Variants in PEBP4 observed in about 807,000 individuals in gnomAD.
PEBP4 encodes phosphatidylethanolamine-binding protein 4.
A neutral mutation model predicts 23.9 loss-of-function variants in PEBP4; 22 were observed. The ratio of observed to expected loss-of-function variants is 0.92; its 90% CI spans 0.66 to 1.31. The LOEUF (loss-of-function observed/expected upper bound fraction) is 1.31. PEBP4 is among the 40% of genes most tolerant of loss of function. PEBP4 has a pLI of 0.00. For missense variants in PEBP4, 324 were observed against 281.7 expected (o/e 1.15, Z -1.07); for synonymous variants, 112 against 99.3 (o/e 1.13, Z -0.76).
chr8:22,936,953 T>A (rs1360120603), intron 1 of PEBP4, among the ~76,000 whole-genome samples: 2 of 152,158 alleles, frequency 1.3e-5, no homozygotes, highest in Non-Finnish European at 2.9e-5. Context: ...TTCCTCGATA[T>A]GATAAAGGCC....
chr8:22,821,980 G>A (rs1260475918), intron 3 of PEBP4, among the ~76,000 whole-genome samples: 7 of 51,440 alleles, frequency 1.4e-4, no homozygotes, highest in African/African-American at 2.4e-4. Context: ...GCAAGACCTC[G>A]TCTCAAAAAA....
intron 3 of PEBP4, among the ~76,000 whole-genome samples, chr8:22,822,677 A>G (rs1311302391): frequency 4.6e-5 from 7 of 152,128 alleles, no homozygotes; most frequent in African/African-American, 1.2e-4. Context: ...TAATAGTCCT[A>G]AAGTATACAT....
At chr8:22,741,460 G>A (rs1024722928) in intron 4 of PEBP4, among the ~76,000 whole-genome samples, 3 of 152,190 alleles carry the variant, frequency 2.0e-5, no homozygotes, top group Non-Finnish European at 4.4e-5. Flanking sequence ...GCCAATCCGG[G>A]AAGTTTGACA....
chr8:22,909,137 C>A (rs1276811435), intron 3 of PEBP4, among the ~76,000 whole-genome samples: 1 of 152,148 alleles, frequency 6.6e-6, no homozygotes, highest in African/African-American at 2.4e-5. Flanking sequence ...TCACAGGTTC[C>A]TGGGGTAGGA....
intron 4 of PEBP4, among the ~76,000 whole-genome samples, chr8:22,786,570 C>T (rs1327088623): frequency 6.6e-6 from 1 of 152,066 alleles, no homozygotes; most frequent in African/African-American, 2.4e-5. Flanking sequence ...AGGCATGAGC[C>T]ACCATGCCTG....
intron 3 of PEBP4, among the ~76,000 whole-genome samples, chr8:22,880,097 A>G (rs1192270469): frequency 7.2e-5 from 11 of 152,124 alleles, no homozygotes; most frequent in South Asian, 6.2e-4. Context: ...GAGCAAGGGG[A>G]TGGGGAGGAG....
intron 3 of PEBP4, among the ~76,000 whole-genome samples, chr8:22,908,403 A>T (rs569965205): frequency 0.017 from 2,549 of 152,026 alleles, 71 homozygotes; most frequent in Admixed American, 0.067. Flanking sequence ...CAAAAAAAAA[A>T]ACCTGTCTAG....
chr8:22,929,388 G>C (rs976972962), upstream of PEBP4, among the ~76,000 whole-genome samples: 3 of 152,238 alleles, frequency 2.0e-5, no homozygotes, highest in Non-Finnish European at 4.4e-5. Flanking sequence ...GCATCCACTA[G>C]AGAAGTCTCA....
intron 2 of PEBP4, among the ~76,000 whole-genome samples, chr8:22,926,680 A>G (rs775231359): frequency 8.5e-5 from 13 of 152,268 alleles, no homozygotes; most frequent in Non-Finnish European, 1.5e-4. Flanking sequence ...TCAACTACAT[A>G]ATTTTAAGAG....
At chr8:22,940,915 T>G (rs1483929953) in intron 1 of PEBP4, among the ~76,000 whole-genome samples, 1 of 152,018 alleles carries the variant, frequency 6.6e-6, no homozygotes. Context: ...TCCAGAACAG[T>G]GTGGGAGCTG....
chr8:22,819,313 T>C (rs1249959109), intron 3 of PEBP4, among the ~76,000 whole-genome samples: 3 of 152,190 alleles, frequency 2.0e-5, no homozygotes, highest in Admixed American at 6.5e-5. Context: ...AGTGATCAGC[T>C]ATATCAAATG....
intron 4 of PEBP4, among the ~76,000 whole-genome samples, chr8:22,787,794 G>A (rs1407591677): frequency 6.6e-6 from 1 of 152,196 alleles, no homozygotes; most frequent in Non-Finnish European, 1.5e-5. Context: ...GAGTTTCCTA[G>A]GTGAGAGGGG....
intron 4 of PEBP4, among the ~76,000 whole-genome samples, chr8:22,728,240 G>A (rs958000126): frequency 6.6e-6 from 1 of 152,112 alleles, no homozygotes; most frequent in African/African-American, 2.4e-5. Flanking sequence ...CCTAGCTTGA[G>A]GTTTACCTTT....
At chr8:22,908,960 G>A (rs903684351) in intron 3 of PEBP4, among the ~76,000 whole-genome samples, 2 of 152,136 alleles carry the variant, frequency 1.3e-5, no homozygotes, top group African/African-American at 4.8e-5. Context: ...CATTTTAATG[G>A]CAGAAGGGCA....
At chr8:22,871,705 C>T (rs1390150252) in intron 3 of PEBP4, among the ~76,000 whole-genome samples, 1 of 151,948 alleles carries the variant, frequency 6.6e-6, no homozygotes, top group African/African-American at 2.4e-5. Context: ...CAGGCACGTG[C>T]CACCATGCCC....
At chr8:22,768,451 G>A (rs1174368234) in intron 4 of PEBP4, among the ~76,000 whole-genome samples, 1 of 152,188 alleles carries the variant, frequency 6.6e-6, no homozygotes, top group African/African-American at 2.4e-5. Flanking sequence ...CCCCACGACA[G>A]CCTCAGTGAA....
chr8:22,748,028 T>G (rs1258929093), intron 4 of PEBP4, among the ~76,000 whole-genome samples: 1 of 152,208 alleles, frequency 6.6e-6, no homozygotes, highest in Admixed American at 6.5e-5. Context: ...CCCTGGCTTA[T>G]GCAATGCTCA....
intron 3 of PEBP4, among the ~76,000 whole-genome samples, chr8:22,827,349 T>C (rs1806992343): frequency 6.6e-6 from 1 of 152,224 alleles, no homozygotes; most frequent in African/African-American, 2.4e-5. Context: ...AGAACATTTT[T>C]ATCATCCCAG....
upstream of PEBP4, among the ~76,000 whole-genome samples, chr8:22,929,747 C>T (rs1350293690): frequency 6.6e-6 from 1 of 152,198 alleles, no homozygotes; most frequent in Admixed American, 6.5e-5. Context: ...TCACTCTCAT[C>T]GCCCAGGCTG....
Sources: gnomAD v4.1 joint callset for allele counts (sites outside exome capture counted in the v4.1 genomes callset) on GRCh38, gnomAD v4.1.1 for gene constraint, MANE v1.5 for transcripts, NCBI Gene and HGNC (gene_info 2026-07-23, HGNC 2026-07-21) for gene names.